The following PLEKHO1 variants were observed in gnomAD, a reference collection of about 807,000 sequenced individuals.
PLEKHO1 encodes the protein pleckstrin homology domain containing O1.
In PLEKHO1, 22 loss-of-function variants were observed where a neutral mutation model predicts 41.4. That is an observed-to-expected ratio of 0.53 (90% CI 0.38 to 0.76). PLEKHO1 has a LOEUF of 0.76. PLEKHO1 is among the 30% of genes least tolerant of loss of function. PLEKHO1 has a pLI of 0.00. For synonymous variants in PLEKHO1, 225 were observed against 210.8 expected (o/e 1.07, Z -0.58); for missense variants, 488 against 518.3 (o/e 0.94, Z 0.57).
intron 2 of PLEKHO1, chr1:150,154,108 T>C (rs977565043): frequency 1.2e-4 from 18 of 151,984 alleles, no homozygotes; most frequent in African/African-American, 4.4e-4. Flanking sequence ...TAACTCCCTT[T>C]CCTTCCCTTC....
Position 150,158,988 on chromosome 1 carries a change from C to T in PLEKHO1, c.695C>T (p.Pro232Leu), listed in dbSNP as rs781990160. The change falls in exon 6 of 6, where the codon CCC becomes CTC. Residue 232 changes from proline (P) to leucine (L), a missense_variant. Pro to Leu is a moderately conservative substitution (Grantham distance 98). Transcript: ENST00000369124. ...RRRADSDRIQ[P>L]SADRASSLSR... The stretch of plus-strand genomic sequence containing the variant: ...AGAGCGGACTCAGACCGCATCCAGC[C>T]CTCCGCAGACCGGGCAAGCAGTCTC... 4 of 1,614,130 alleles carry T rather than the reference C, an allele frequency of 2.5e-6. No individual in the cohort carries two copies. Among genetic ancestry groups the T allele is most frequent in the Non-Finnish European group, 3.4e-6 (4 of 1,180,006 alleles).
At chr1:150,150,675 C>T (rs1041180172) in intron 1 of PLEKHO1, 4 of 497,258 alleles carry the variant, frequency 8.0e-6, no homozygotes, top group Non-Finnish European at 1.4e-5. Context: ...CGCGCCCGGC[C>T]GGCGCCCCTG....
chr1:150,159,555 G>T lies in PLEKHO1; in HGVS notation c.*32G>T. The T allele has an allele frequency of 7.2e-7, 1 of 1,392,922 alleles. No individual in the cohort carries two copies. Among genetic ancestry groups the T allele is most frequent in the East Asian group, 2.3e-5 (1 of 42,724 alleles). The allele number at this position is 1,392,922 out of a possible 1,614,324, so 86.3% of individuals were successfully genotyped here. ...GGTGGGGTCTGGAACTTGTCGGGTT[G>T]GACAGACTCTTATCTCCGTGTTGCT... On this transcript the variant is annotated 3_prime_UTR_variant, in exon 6 of 6. Coordinates refer to ENST00000369124, the MANE Select transcript of PLEKHO1 (RefSeq NM_016274.6).
At position 150,157,764 on chromosome 1, in the gene PLEKHO1, G is replaced by A. The variant is rs79704946; in HGVS notation, c.525+278G>A. ...GAAAATGAAAAATTAGCTACTGTATGGTGGCTGTCTTGATGGGTAACAACA... is the reference window on the plus strand; with the variant it reads ...GAAAATGAAAAATTAGCTACTGTATAGTGGCTGTCTTGATGGGTAACAACA... On this transcript the variant is annotated intron_variant, in intron 5 of 5. Coordinates refer to ENST00000369124, the MANE Select transcript of PLEKHO1 (RefSeq NM_016274.6). Among the ~76,000 whole-genome samples the A allele has an allele frequency of 5.7e-3, 865 of 152,326 alleles. 13 individuals carry two copies. Among genetic ancestry groups the A allele is most frequent in the African/African-American group, 0.02 (825 of 41,560 alleles).
At position 150,158,848 on chromosome 1, in the gene PLEKHO1, G is replaced by C. The variant is rs1449412739; in HGVS notation, c.555G>C (p.Leu185=). The stretch of plus-strand genomic sequence containing the variant: ...CCACCTCTACCTCGGATGGGATGCT[G>C]ACCTTGGACTTGATCCAAGAGGAAG... ...VASTSTSDGM[L]TLDLIQEEDP... The change falls in exon 6 of 6, where the codon CTG becomes CTC. Residue 185 remains leucine (L), a synonymous_variant. Transcript: ENST00000369124. 6.2e-7 allele frequency: 1 copy of C among 1,610,362 alleles called. No homozygotes were observed. The highest frequency in any genetic ancestry group is 1.3e-5 in the African/African-American group (1 of 74,938).
chr1:150,155,937 C>T (rs1660150086), intron 2 of PLEKHO1, 129 bp from the exon 3 acceptor site: 2 of 792,836 alleles, frequency 2.5e-6, no homozygotes, highest in East Asian at 2.5e-5. Context: ...GGGCAGACGG[C>T]CCTCTCCTCT....
At chr1:150,151,909 A>G (rs1236216627) in intron 2 of PLEKHO1, among the ~76,000 whole-genome samples, 1 of 152,140 alleles carries the variant, frequency 6.6e-6, no homozygotes, top group African/African-American at 2.4e-5. Context: ...AGTGGTTAGA[A>G]GTCATTCCAT....
rs1660200104 is a variant in PLEKHO1, at chr1:150,157,019, AG to A, written c.423+9del. 1.9e-6 allele frequency: 3 copies of A among 1,573,176 alleles called. No homozygotes were observed. The highest frequency in any genetic ancestry group is 2.7e-5 in the African/African-American group (2 of 74,150). On this transcript the variant is annotated splice_donor_5th_base_variant and intron_variant, in intron 4 of 5. Coordinates refer to ENST00000369124, the MANE Select transcript of PLEKHO1 (RefSeq NM_016274.6). Reference sequence around the variant, plus strand: ...CAAGAACCGTATCTTGGATGAGGTCAGGGGGCTCACTGTGGGGAGAGGGAGG... The same window carrying A: ...CAAGAACCGTATCTTGGATGAGGTCAGGGGCTCACTGTGGGGAGAGGGAGG...
At chr1:150,155,949 C>A in intron 2 of PLEKHO1, 117 bp from the exon 3 acceptor site, 1 of 920,222 alleles carries the variant, frequency 1.1e-6, no homozygotes, top group Non-Finnish European at 1.7e-6. Flanking sequence ...CTCTCCTCTC[C>A]TGGCGTGCCT....
In PLEKHO1 at chr1:150,159,621, C is replaced by A. The variant is rs1660351867; in HGVS notation, c.*98C>A. ...ATTTACCTCAATCAAAAAAAGAAAACAAAAATGAACTCATTGCTCTTGCTG... is the reference window on the plus strand; with the variant it reads ...ATTTACCTCAATCAAAAAAAGAAAAAAAAAATGAACTCATTGCTCTTGCTG... On this transcript the variant is annotated 3_prime_UTR_variant, in exon 6 of 6. Transcript: ENST00000369124. 9 of 806,148 alleles carry A rather than the reference C, an allele frequency of 1.1e-5. No individual in the cohort carries two copies. Among genetic ancestry groups the A allele is most frequent in the Middle Eastern group, 3.7e-4 (1 of 2,706 alleles). The allele number at this position is 806,148 out of a possible 1,614,324, so 49.9% of individuals were successfully genotyped here.
chr1:150,150,219 G>GC lies in PLEKHO1; in HGVS notation c.-35dup. 2.9e-6 allele frequency: 3 copies of GC among 1,025,444 alleles called. No individual in the cohort carries two copies. Among genetic ancestry groups the GC allele is most frequent in the Non-Finnish European group, 3.5e-6 (3 of 854,752 alleles). 63.5% of individuals were successfully genotyped at this position (1,025,444 alleles called of 1,614,324 possible). ...GCCGCCGAGGCCCCGACGCGGGGCC[G>GC]CCCCTCGGCTCGCCGCCCCGCGCCC... On this transcript the variant is annotated 5_prime_UTR_variant, in exon 1 of 6. Transcript: ENST00000369124.
chr1:150,150,702 T>G, intron 1 of PLEKHO1: 6 of 521,020 alleles, frequency 1.2e-5, no homozygotes, highest in African/African-American at 2.0e-5. Flanking sequence ...GCAGCCCCGG[T>G]TGTTTATTCG....
Position 150,150,931 on chromosome 1 carries a change from A to AG in PLEKHO1, c.51dup (p.Gln18AlafsTer40). 1.2e-6 allele frequency: 2 copies of AG among 1,614,060 alleles called. No homozygotes were observed. The highest frequency in any genetic ancestry group is 8.5e-7 in the Non-Finnish European group (1 of 1,179,902). On this transcript the variant is annotated frameshift_variant, in exon 2 of 6. Coordinates refer to ENST00000369124, the MANE Select transcript of PLEKHO1 (RefSeq NM_016274.6). LOFTEE classifies it high-confidence loss of function. ...GGGCAGGGACCTCAGGATGGAAACCAGCAGCCTGCACCGCCCGAGAAGGTC... is the reference window on the plus strand; with the variant it reads ...GGGCAGGGACCTCAGGATGGAAACCAGGCAGCCTGCACCGCCCGAGAAGGTC...
In PLEKHO1 at chr1:150,158,667, T is replaced by C. The variant is rs146970677; in HGVS notation, c.526-152T>C. 9.4e-3 allele frequency: 5,848 copies of C among 621,668 alleles called. 164 individuals are homozygous for C. The highest frequency in any genetic ancestry group is 0.081 in the African/African-American group (4,370 of 54,252). 38.5% of individuals were successfully genotyped at this position (621,668 alleles called of 1,614,324 possible). The stretch of plus-strand genomic sequence containing the variant: ...TCGTGCCACTGCACTCCAGCCTGGG[T>C]GACAGAGCAAGACTCTGTCTCTAAA... On this transcript the variant is annotated intron_variant, in intron 5 of 5. Transcript: ENST00000369124.
In PLEKHO1 at chr1:150,157,637, A is replaced by G. The variant is rs369726341; in HGVS notation, c.525+151A>G. 1,037 of 600,418 alleles carry G rather than the reference A, an allele frequency of 1.7e-3. 5 individuals are homozygous for G. Among genetic ancestry groups the G allele is most frequent in the Middle Eastern group, 0.014 (40 of 2,778 alleles). 37.2% of individuals were successfully genotyped at this position (600,418 alleles called of 1,614,324 possible). ...AGTCCTTCCACCCAATGCCTCTGCC[A>G]GATCTAAATCAAAAGGTTTTATTCA... On this transcript the variant is annotated intron_variant, in intron 5 of 5. Coordinates refer to ENST00000369124, the MANE Select transcript of PLEKHO1 (RefSeq NM_016274.6).
In PLEKHO1 at chr1:150,158,836, G is replaced by A. The variant is rs187737513; in HGVS notation, c.543G>A (p.Ser181=). 102 of 1,605,890 alleles carry A rather than the reference G, an allele frequency of 6.4e-5. No homozygotes were observed. Among genetic ancestry groups the A allele is most frequent in the Admixed American group, 3.2e-4 (19 of 59,778 alleles). Residue 181 remains serine (S), a synonymous_variant, in exon 6 of 6, where the codon TCG becomes TCA. Transcript: ENST00000369124. The part of the protein sequence containing the change: ...HLMAVASTST[S]DGMLTLDLIQ... ...CTCCACAGGCTTCCACCTCTACCTC[G>A]GATGGGATGCTGACCTTGGACTTGA... is the stretch of plus-strand genomic sequence containing the variant.
rs587622338 is a variant in PLEKHO1, at chr1:150,155,952, G to C, written c.178-114G>C. The C allele has an allele frequency of 5.3e-5, 50 of 937,896 alleles. 1 individual carries two copies. In the South Asian group the frequency reaches 7.6e-4, roughly 14 times the overall value. The allele number at this position is 937,896 out of a possible 1,614,324, so 58.1% of individuals were successfully genotyped here. A position where few individuals can be genotyped will look rare whatever the true frequency, so the allele number is the denominator to read the frequency against. On this transcript the variant is annotated intron_variant, in intron 2 of 5. Transcript: ENST00000369124. ...GGGCAGACGGCCCTCTCCTCTCCTG[G>C]CGTGCCTCCCTCTCCTCAGGCTTCC...
At position 150,159,162 on chromosome 1, in the gene PLEKHO1, G is replaced by C. The variant is rs782023744; in HGVS notation, c.869G>C (p.Arg290Pro). ...GCCTCTGCCCGCACCCTCCAGCTGC[G>C]GGCTGAGGAACCCCCAACCCCTGCC... ...DAASARTLQL[R>P]AEEPPTPALP... The change falls in exon 6 of 6, where the codon CGG (arginine) becomes CCG (proline). Residue 290 changes from arginine to proline, a missense_variant. Physicochemically the swap from Arg to Pro is moderately radical, Grantham distance 103 (BLOSUM62 -2). This residue lies in a region of PLEKHO1 where 337 missense variants were observed against 324.6 expected (regional missense o/e 1.04). Transcript: ENST00000369124. 4.3e-6 allele frequency: 7 copies of C among 1,611,090 alleles called. No individual in the cohort carries two copies. The East Asian group carries it at 1.3e-4, about 31-fold the overall frequency.
intron 2 of PLEKHO1, chr1:150,154,172 C>A (rs1660074027): frequency 6.6e-6 from 1 of 152,318 alleles, no homozygotes; most frequent in Non-Finnish European, 1.5e-5. Flanking sequence ...ATTCACACAC[C>A]CAACACTTTC....
Sources: gnomAD v4.1 joint callset for allele counts (sites outside exome capture counted in the v4.1 genomes callset) on GRCh38, gnomAD v4.1.1 for gene constraint, gnomAD v4.1.1 regional missense constraint, MANE v1.5 for transcripts, NCBI Gene and HGNC (gene_info 2026-07-23, HGNC 2026-07-21) for gene names.